The following RPL32 variants were observed in gnomAD, a reference collection of about 807,000 sequenced individuals.
The protein encoded by RPL32 is ribosomal protein L32.
For synonymous variants in RPL32, 61 were observed against 62.6 expected (o/e 0.98, Z 0.12); for missense variants, 117 against 173.7 (o/e 0.67, Z 1.83).
intron 2 of RPL32, 79 bp from the exon 3 acceptor site, chr3:12,839,609 C>T: frequency 2.2e-6 from 3 of 1,380,024 alleles, no homozygotes; most frequent in Admixed American, 1.7e-5. Flanking sequence ...AAAAAAGGAC[C>T]AAATGAAAAG....
intron 3 of RPL32, 161 bp downstream of exon 3, chr3:12,839,188 C>G: frequency 1.5e-6 from 1 of 669,172 alleles, no homozygotes; most frequent in Admixed American, 2.8e-5. Flanking sequence ...CCCCAACAAG[C>G]ATTCTCTAAA....
chr3:12,837,492 A>C (rs551149485), intron 3 of RPL32, among the ~76,000 whole-genome samples: 57 of 152,378 alleles, frequency 3.7e-4, no homozygotes, highest in South Asian at 4.1e-4. Flanking sequence ...GCAACTGAGT[A>C]ATCATGTTGG....
intron 1 of RPL32, chr3:12,840,543 C>A (rs1330855979): frequency 9.5e-6 from 5 of 528,518 alleles, no homozygotes; most frequent in Non-Finnish European, 1.9e-5. Flanking sequence ...CAAGGGGCAG[C>A]AAATCCCACC....
At chr3:12,839,982 G>A (rs967295633) in intron 2 of RPL32, among the ~76,000 whole-genome samples, 160 bp downstream of exon 2, 1 of 152,196 alleles carries the variant, frequency 6.6e-6, no homozygotes. Context: ...AGAGACATAA[G>A]TACCAGCACT....
At position 12,839,378 on chromosome 3, in the gene RPL32, C is replaced by T; in HGVS notation, c.249G>A (p.Lys83=). 1.2e-6 allele frequency: 2 copies of T among 1,614,128 alleles called. No homozygotes were observed. Among genetic ancestry groups the T allele is most frequent in the Non-Finnish European group, 1.7e-6 (2 of 1,179,986 alleles). The change falls in exon 3 of 4, where the codon AAG becomes AAA. Residue 83 remains lysine, a synonymous_variant. Transcript: ENST00000429711. ...TGCACATCAGCAGCACTTCCAGCTC[C>T]TTGACGTTGTGGACCAGGAACTTCC... ...GFRKFLVHNV[K]ELEVLLMCNK... is the part of the protein sequence containing the mutation.
At chr3:12,837,651 C>T (rs879940905) in intron 3 of RPL32, among the ~76,000 whole-genome samples, 1 of 152,230 alleles carries the variant, frequency 6.6e-6, no homozygotes, top group South Asian at 2.1e-4. Flanking sequence ...AAGGTAACCA[C>T]GTTAGAATAC....
chr3:12,839,151 C>A (rs1487053248), intron 3 of RPL32, 198 bp downstream of exon 3: 2 of 616,552 alleles, frequency 3.2e-6, no homozygotes, highest in Non-Finnish European at 5.7e-6. Flanking sequence ...CAAGTCACCT[C>A]CTTCAGCAAA....
At chr3:12,837,028 T>C (rs757397152) in intron 3 of RPL32, among the ~76,000 whole-genome samples, 2 of 152,168 alleles carry the variant, frequency 1.3e-5, no homozygotes, top group Admixed American at 6.5e-5. Flanking sequence ...TCTTGTTTTA[T>C]ATGAGTCCAC....
Position 12,839,528 on chromosome 3 carries a change from A to G in RPL32, c.99T>C (p.Arg33=). The change falls in exon 3 of 4, where the codon CGT becomes CGC. Residue 33 remains arginine, a splice_region_variant and synonymous_variant. Transcript: ENST00000429711. ...CAATGCCTCTGGGTTTCCGCCAGTT[A>G]CGCTGAAGGAAATAATACACAGGTG... is the stretch of plus-strand genomic sequence containing the variant. ...HQSDRYVKIK[R]NWRKPRGIDN... The G allele has an allele frequency of 1.2e-6, 2 of 1,614,132 alleles. No homozygotes were observed. The highest frequency in any genetic ancestry group is 2.2e-5 in the South Asian group (2 of 91,088).
rs577656392 is a variant in RPL32 at position 12,837,828 on chromosome 3, A to ATAGT, written c.278+1520_278+1521insACTA. 1.3e-3 allele frequency among the ~76,000 whole-genome samples: 201 copies of ATAGT among 152,382 alleles called. 1 individual carries two copies. Among genetic ancestry groups the ATAGT allele is most frequent in the African/African-American group, 4.7e-3 (195 of 41,596 alleles). Reference sequence around the variant, plus strand: ...TTTCATTTACCAGTAAGTGAAGAAAATAAACTGTCACTTCCCATGAGAATT... The same window carrying ATAGT: ...TTTCATTTACCAGTAAGTGAAGAAAATAGTTAAACTGTCACTTCCCATGAGAATT... On this transcript the variant is annotated intron_variant, in intron 3 of 3. Transcript: ENST00000429711.
chr3:12,839,946 TCATTA>T (rs1002519717), intron 2 of RPL32, among the ~76,000 whole-genome samples, 191 bp downstream of exon 2: 2 of 152,190 alleles, frequency 1.3e-5, no homozygotes, highest in South Asian at 2.1e-4. Flanking sequence ...ATGTCCCTTT[TCATTA>T]AAGTTTCGCT....
In RPL32 at chr3:12,838,767, C is replaced by T. The variant is rs562638113; in HGVS notation, c.278+582G>A. Among the ~76,000 whole-genome samples, 12 of 152,260 alleles carry T rather than the reference C, an allele frequency of 7.9e-5. 1 individual carries two copies. The highest frequency in any genetic ancestry group is 5.8e-4 in the East Asian group (3 of 5,178). On this transcript the variant is annotated intron_variant, in intron 3 of 3. Transcript: ENST00000429711. ...CTTTCTAGTGATAACCAATTCTCGA[C>T]GAGAAACAGAAAATCTATCCAAAAC...
At position 12,835,814 on chromosome 3, in the gene RPL32, C is replaced by T. The variant is rs2062094836; in HGVS notation, c.*280G>A. 1 of 348,724 alleles carries T rather than the reference C, an allele frequency of 2.9e-6. No homozygotes were observed. Among genetic ancestry groups the T allele is most frequent in the African/African-American group, 2.1e-5 (1 of 47,664 alleles). The allele number at this position is 348,724 out of a possible 1,614,324, so 21.6% of individuals were successfully genotyped here. Reference sequence around the variant, plus strand: ...ACAAGCTTCTTCAAGTGTCTCAGAACCTACCTGGTGTGAGGGCCAAGTCTG... The same window carrying T: ...ACAAGCTTCTTCAAGTGTCTCAGAATCTACCTGGTGTGAGGGCCAAGTCTG... On this transcript the variant is annotated 3_prime_UTR_variant, in exon 4 of 4. Transcript: ENST00000429711.
chr3:12,835,859 C>T lies in RPL32; in HGVS notation c.*235G>A, dbSNP rs2062095244. The T allele has an allele frequency of 1.9e-6, 1 of 520,164 alleles. No homozygotes were observed. Among genetic ancestry groups the T allele is most frequent in the Admixed American group, 3.3e-5 (1 of 30,736 alleles). The allele number at this position is 520,164 out of a possible 1,614,324, so 32.2% of individuals were successfully genotyped here. ...AGTCTGTACCCCTCATACCCAGCCTCAACTGGAGATGACTAAGGCTAGTCT... is the reference window on the plus strand; with the variant it reads ...AGTCTGTACCCCTCATACCCAGCCTTAACTGGAGATGACTAAGGCTAGTCT... On this transcript the variant is annotated 3_prime_UTR_variant, in exon 4 of 4. Coordinates refer to ENST00000429711, the MANE Select transcript of RPL32 (RefSeq NM_000994.4).
rs1231007379 is a variant in RPL32 at position 12,836,216 on chromosome 3, A to T, written c.286T>A (p.Cys96Ser). 2 of 1,599,890 alleles carry T rather than the reference A, an allele frequency of 1.3e-6. No homozygotes were observed. The highest frequency in any genetic ancestry group is 2.2e-5 in the East Asian group (1 of 44,878). The stretch of plus-strand genomic sequence containing the variant: ...GAAACATTGTGAGCGATCTCGGCAC[A>T]GTAAGATCTGCAAGAGAATCAAGTA... ...EVLLMCNKSY[C>S]AEIAHNVSSK... is the part of the protein sequence containing the mutation. The change falls in exon 4 of 4, where the codon TGT (cysteine) becomes AGT (serine). Residue 96 changes from cysteine to serine, a missense_variant. Transcript: ENST00000429711.
chr3:12,841,543 AG>A lies in RPL32; in HGVS notation c.-56del, dbSNP rs1323647055. ...CGTAGGCAGCGCCGAGGAAGAGAGA[AG>A]GGACGGTGGCGCGCAAGGGCTGATG... On this transcript the variant is annotated 5_prime_UTR_variant, in exon 1 of 4. Transcript: ENST00000429711. The A allele has an allele frequency of 6.6e-6, 1 of 152,252 alleles. No individual in the cohort carries two copies. Among genetic ancestry groups the A allele is most frequent in the East Asian group, 1.9e-4 (1 of 5,198 alleles). The allele number at this position is 152,252 out of a possible 1,614,324, so 9.4% of individuals were successfully genotyped here.
chr3:12,837,588 T>C (rs1219536445), intron 3 of RPL32, among the ~76,000 whole-genome samples: 1 of 152,264 alleles, frequency 6.6e-6, no homozygotes, highest in African/African-American at 2.4e-5. Context: ...TCGCCCATCT[T>C]TTCTAACAGA....
At chr3:12,840,647 G>A in intron 1 of RPL32, 4 of 404,002 alleles carry the variant, frequency 9.9e-6, no homozygotes, top group Non-Finnish European at 2.0e-5. Flanking sequence ...GTAAAATGAA[G>A]ATGACACTGC....
rs933290040 is a variant in RPL32, at chr3:12,840,045, G to C, written c.96+97C>G. The C allele has an allele frequency of 1.2e-5, 12 of 1,005,866 alleles. No homozygotes were observed. In the East Asian group the frequency reaches 2.9e-4, roughly 24 times the overall value. 62.3% of individuals were successfully genotyped at this position (1,005,866 alleles called of 1,614,324 possible). On this transcript the variant is annotated intron_variant, in intron 2 of 3. Coordinates refer to ENST00000429711, the MANE Select transcript of RPL32 (RefSeq NM_000994.4). Reference sequence around the variant, plus strand: ...CTACAGAAAGCTCTTCCACAAGCCAGTTCATCGGTCAAAGATAATCCTGAC... The same window carrying C: ...CTACAGAAAGCTCTTCCACAAGCCACTTCATCGGTCAAAGATAATCCTGAC...
Sources: allele counts gnomAD v4.1 joint callset (sites outside exome capture counted in the v4.1 genomes callset), GRCh38; gene constraint gnomAD v4.1.1; transcripts MANE v1.5; gene names NCBI Gene and HGNC (gene_info 2026-07-23, HGNC 2026-07-21).